STRN3: variants seen among roughly 807,000 people sequenced by gnomAD.
The protein encoded by STRN3 is striatin-3.
STRN3 carries 29 observed loss-of-function variants against 95.6 expected under a neutral mutation model. The observed-to-expected ratio is 0.30, with a 90% CI of 0.23 to 0.41. STRN3 has a LOEUF of 0.41. Ranked by LOEUF, STRN3 falls within the 10% of genes least tolerant of loss-of-function variation. The pLI is 1.00. For synonymous variants in STRN3, 331 were observed against 357.6 expected (o/e 0.93, Z 0.84); for missense variants, 890 against 972.1 (o/e 0.92, Z 1.12).
At chr14:31,019,406 TTAAGA>T (rs1327471895) in intron 1 of STRN3, among the ~76,000 whole-genome samples, 1 of 152,188 alleles carries the variant, frequency 6.6e-6, no homozygotes, top group Non-Finnish European at 1.5e-5. Context: ...TCGTTGCTGT[TTAAGA>T]TGAGTGACAC....
rs186176581 is a variant in STRN3 at position 30,997,388 on chromosome 14, A to G, written c.282+28516T>C. On this transcript the variant is annotated intron_variant, in intron 1 of 17. Coordinates refer to ENST00000357479, the MANE Select transcript of STRN3 (RefSeq NM_001083893.2). The stretch of plus-strand genomic sequence containing the variant: ...CTCCTCTGTCTGGCCCCTACACCCC[A>G]GTAGGCAATATTCCTCTGCCTTAAT... Among the ~76,000 whole-genome samples the G allele has an allele frequency of 3.3e-5, 5 of 152,324 alleles. No homozygotes were observed. The East Asian group carries it at 9.6e-4, about 29-fold the overall frequency.
At chr14:30,910,078 T>G (rs1407065254) in intron 13 of STRN3, among the ~76,000 whole-genome samples, 1 of 152,172 alleles carries the variant, frequency 6.6e-6, no homozygotes, top group Non-Finnish European at 1.5e-5. Context: ...CAATTTATTC[T>G]TCTCACAACA....
chr14:30,956,956 C>G (rs1879938448), intron 1 of STRN3, among the ~76,000 whole-genome samples: 1 of 151,062 alleles, frequency 6.6e-6, no homozygotes, highest in African/African-American at 2.4e-5. Flanking sequence ...GTCAGGAGTT[C>G]AAGACCGGCC....
intron 1 of STRN3, among the ~76,000 whole-genome samples, chr14:31,008,634 A>G (rs1882827872): frequency 6.6e-6 from 1 of 152,246 alleles, no homozygotes; most frequent in South Asian, 2.1e-4. Context: ...AAATATCACA[A>G]GAGTTGAAAG....
intron 1 of STRN3, among the ~76,000 whole-genome samples, chr14:30,977,435 AG>A (rs1881160052): frequency 6.6e-6 from 1 of 152,014 alleles, no homozygotes; most frequent in Non-Finnish European, 1.5e-5. Flanking sequence ...CTAGCAAAAA[AG>A]GGGGAAAGAT....
At chr14:30,983,509 C>T (rs1881513314) in intron 1 of STRN3, among the ~76,000 whole-genome samples, 1 of 152,220 alleles carries the variant, frequency 6.6e-6, no homozygotes, top group African/African-American at 2.4e-5. Flanking sequence ...CGTGCCACTG[C>T]ACTCTAGCCT....
At chr14:30,956,723 A>G (rs888013474) in intron 1 of STRN3, among the ~76,000 whole-genome samples, 4 of 152,254 alleles carry the variant, frequency 2.6e-5, no homozygotes, top group Admixed American at 2.0e-4. Flanking sequence ...AAAGAAAAAT[A>G]TACATAAAAA....
chr14:30,945,020 C>T (rs1204041975), intron 5 of STRN3, among the ~76,000 whole-genome samples: 3 of 152,032 alleles, frequency 2.0e-5, no homozygotes, highest in Non-Finnish European at 2.9e-5. Flanking sequence ...TCTAAATGAC[C>T]TCAATGAACT....
chr14:30,966,080 C>T (rs1350382126), intron 1 of STRN3, among the ~76,000 whole-genome samples: 1 of 150,806 alleles, frequency 6.6e-6, no homozygotes, highest in Non-Finnish European at 1.5e-5. Flanking sequence ...CTGCCCTGAC[C>T]CCCGCCAAAG....
intron 1 of STRN3, among the ~76,000 whole-genome samples, chr14:30,984,292 A>AAAAAAAAAAAAAAAAC (rs1397539689): frequency 7.8e-6 from 1 of 127,470 alleles, no homozygotes; most frequent in Non-Finnish European, 1.6e-5. Flanking sequence ...AAAAAAAAAA[A>AAAAAAAAAAAAAAAAC]CAGAAAAGAA....
At chr14:30,934,994 T>C (rs1878746155) in intron 7 of STRN3, among the ~76,000 whole-genome samples, 169 bp downstream of exon 7, 1 of 152,194 alleles carries the variant, frequency 6.6e-6, no homozygotes. Context: ...AGTCACCAAA[T>C]TTAAGTAAAT....
intron 1 of STRN3, among the ~76,000 whole-genome samples, chr14:30,961,329 A>C (rs1472696844): frequency 6.6e-6 from 1 of 152,218 alleles, no homozygotes; most frequent in African/African-American, 2.4e-5. Context: ...AAAAGACAAG[A>C]GACAAAGAAC....
rs1309780789 is a variant in STRN3, at chr14:30,895,405, G to A, written c.*6C>T. 2 of 1,589,274 alleles carry A rather than the reference G, an allele frequency of 1.3e-6. No individual in the cohort carries two copies. Among genetic ancestry groups the A allele is most frequent in the Non-Finnish European group, 1.7e-6 (2 of 1,166,468 alleles). On this transcript the variant is annotated 3_prime_UTR_variant, in exon 18 of 18. Transcript: ENST00000357479. ...AAATCTTGTTACGATGCAAGTTTTT[G>A]TTGATTCATACAAATACTTTGGCAA...
chr14:30,983,523 C>T (rs1160489770), intron 1 of STRN3, among the ~76,000 whole-genome samples: 9 of 152,110 alleles, frequency 5.9e-5, no homozygotes, highest in South Asian at 2.1e-4. Context: ...CTAGCCTAGG[C>T]GACAGAGCGA....
At chr14:30,921,609 T>C (rs539093520) in intron 8 of STRN3, among the ~76,000 whole-genome samples, 1 of 152,338 alleles carries the variant, frequency 6.6e-6, no homozygotes, top group South Asian at 2.1e-4. Context: ...ACTGCAAATT[T>C]AATGTCTTTG....
chr14:30,926,348 T>C (rs1897027251), intron 8 of STRN3, among the ~76,000 whole-genome samples: 1 of 152,014 alleles, frequency 6.6e-6, no homozygotes, highest in African/African-American at 2.4e-5. Context: ...ATATTTTAAA[T>C]GACTATGAAA....
intron 1 of STRN3, among the ~76,000 whole-genome samples, chr14:30,975,046 C>A (rs1594524160): frequency 1.0e-5 from 1 of 97,044 alleles, no homozygotes; most frequent in East Asian, 2.5e-4. Flanking sequence ...CTTCATTCAG[C>A]AGTCCCACTA....
intron 3 of STRN3, among the ~76,000 whole-genome samples, chr14:30,954,184 T>A (rs1239867650): frequency 6.6e-6 from 1 of 152,218 alleles, no homozygotes; most frequent in Non-Finnish European, 1.5e-5. Flanking sequence ...CATTTATATA[T>A]CCTCTTCTAT....
chr14:30,986,919 A>T (rs374973549), intron 1 of STRN3, among the ~76,000 whole-genome samples: 3 of 152,340 alleles, frequency 2.0e-5, no homozygotes, highest in African/African-American at 7.2e-5. Flanking sequence ...TCTCAAATCC[A>T]CAAAGCAAAA....
Sources: allele counts gnomAD v4.1 joint callset (sites outside exome capture counted in the v4.1 genomes callset), GRCh38; gene constraint gnomAD v4.1.1; transcripts MANE v1.5; gene names NCBI Gene and HGNC (gene_info 2026-07-23, HGNC 2026-07-21).